Variants in EXOC2 observed in about 807,000 individuals in gnomAD.
EXOC2 encodes exocyst complex component 2, also known as SEC5-like 1.
A neutral mutation model predicts 131.8 loss-of-function variants in EXOC2; 70 were observed. The ratio of observed to expected loss-of-function variants is 0.53; its 90% confidence interval spans 0.44 to 0.65. The LOEUF (loss-of-function observed/expected upper bound fraction) is 0.65, where lower values mean the gene tolerates loss of function less well. EXOC2 is among the 30% of genes least tolerant of loss of function. The pLI is 0.00. For missense variants in EXOC2, 923 were observed against 1,108.6 expected (o/e 0.83, Z 2.38); for synonymous variants, 411 against 398.4 (o/e 1.03, Z -0.38).
At chr6:605,218 T>C (rs1052957240) in intron 7 of EXOC2, among the ~76,000 whole-genome samples, 31 of 152,234 alleles carry the variant, frequency 2.0e-4, no homozygotes, top group African/African-American at 5.1e-4. Context: ...TGCAGGGCTA[T>C]GACAGGGGCT....
At chr6:642,549 C>T (rs1418872224) in intron 1 of EXOC2, among the ~76,000 whole-genome samples, 4 of 151,844 alleles carry the variant, frequency 2.6e-5, no homozygotes, top group African/African-American at 7.3e-5. Context: ...AGCAGATAAC[C>T]GAAATGGACC....
At position 501,776 on chromosome 6, in the gene EXOC2, C is replaced by G. The variant is rs937229189; in HGVS notation, c.2381-2076G>C. ...AACAAAAACAGTGTGCTTATTAAGT[C>G]TATTTTGCTGAGATGGCTGAGTGAA... On this transcript the variant is annotated intron_variant, in intron 23 of 27. Transcript: ENST00000230449. 3.4e-5 allele frequency among the ~76,000 whole-genome samples: 5 copies of G among 147,174 alleles called. No individual in the cohort carries two copies. In the Admixed American group the frequency reaches 3.5e-4, roughly 10 times the overall value.
intron 22 of EXOC2, among the ~76,000 whole-genome samples, chr6:545,549 G>A (rs915173095): frequency 6.6e-6 from 1 of 152,090 alleles, no homozygotes; most frequent in African/African-American, 2.4e-5. Context: ...AGAAGAAAAA[G>A]CGCTAACCTC....
chr6:610,386 C>T (rs1489160807), intron 6 of EXOC2, among the ~76,000 whole-genome samples: 1 of 152,180 alleles, frequency 6.6e-6, no homozygotes, highest in Non-Finnish European at 1.5e-5. Flanking sequence ...GTACCTAACA[C>T]ACATAATCAT....
At chr6:675,410 G>A (rs972751704) in intron 1 of EXOC2, among the ~76,000 whole-genome samples, 2 of 152,172 alleles carry the variant, frequency 1.3e-5, no homozygotes, top group Non-Finnish European at 2.9e-5. Flanking sequence ...GATCAAGGAA[G>A]GTCAGTGATA....
chr6:686,107 A>G (rs556010927), intron 1 of EXOC2, among the ~76,000 whole-genome samples: 13 of 151,762 alleles, frequency 8.6e-5, no homozygotes, highest in Non-Finnish European at 1.8e-4. Flanking sequence ...GATTACAGGC[A>G]TGCGCCACCA....
chr6:614,060 CA>C (rs1185317602), intron 6 of EXOC2, among the ~76,000 whole-genome samples: 11 of 152,114 alleles, frequency 7.2e-5, no homozygotes, highest in Admixed American at 2.6e-4. Context: ...TGTTATTATG[CA>C]CCAAAGAATT....
At chr6:557,475 A>G (rs1757474952) in intron 17 of EXOC2, among the ~76,000 whole-genome samples, 1 of 151,872 alleles carries the variant, frequency 6.6e-6, no homozygotes, top group South Asian at 2.1e-4. Context: ...AAAATTAGCC[A>G]GGCGTGGTGG....
At chr6:646,794 C>T (rs1448482236) in intron 1 of EXOC2, among the ~76,000 whole-genome samples, 1 of 152,084 alleles carries the variant, frequency 6.6e-6, no homozygotes, top group East Asian at 1.9e-4. Flanking sequence ...TAAACGCAGA[C>T]AAAAGTGTGG....
At chr6:581,545 T>C (rs1758904637) in intron 11 of EXOC2, among the ~76,000 whole-genome samples, 1 of 152,220 alleles carries the variant, frequency 6.6e-6, no homozygotes, top group African/African-American at 2.4e-5. Context: ...ATCACCGTAG[T>C]ATTTCTAATT....
chr6:685,869 C>CTTTTTTTTTTTTTTTTTTTTTTTT (rs58892194), intron 1 of EXOC2, among the ~76,000 whole-genome samples: 13 of 98,238 alleles, frequency 1.3e-4, no homozygotes, highest in Non-Finnish European at 2.5e-4. Context: ...TCCTGGACCT[C>CTTTTTTTTTTTTTTTTTTTTTTTT]TTTTTTTTTT....
At chr6:526,988 T>G (rs1162361303) in intron 23 of EXOC2, among the ~76,000 whole-genome samples, 1 of 152,230 alleles carries the variant, frequency 6.6e-6, no homozygotes, top group African/African-American at 2.4e-5. Flanking sequence ...CCCTCTGCCT[T>G]GCACATGGTA....
chr6:600,712 A>T (rs1349273059), intron 7 of EXOC2, among the ~76,000 whole-genome samples: 1 of 152,104 alleles, frequency 6.6e-6, no homozygotes, highest in East Asian at 1.9e-4. Context: ...GAAAACAAGT[A>T]CAGGAAGAAA....
intron 10 of EXOC2, among the ~76,000 whole-genome samples, chr6:594,370 G>A (rs1011821995): frequency 6.6e-6 from 1 of 152,188 alleles, no homozygotes; most frequent in African/African-American, 2.4e-5. Context: ...TGCTGGGGAT[G>A]ATGCATTTCA....
chr6:621,736 G>A (rs1332888751), intron 4 of EXOC2, among the ~76,000 whole-genome samples: 2 of 152,142 alleles, frequency 1.3e-5, no homozygotes, highest in Non-Finnish European at 2.9e-5. Context: ...CATGCATGTG[G>A]CATTCATTAC....
intron 21 of EXOC2, among the ~76,000 whole-genome samples, chr6:551,132 G>A (rs906111454): frequency 6.6e-6 from 1 of 152,206 alleles, no homozygotes; most frequent in East Asian, 1.9e-4. Flanking sequence ...GGAGACGCAC[G>A]TTTGAAAACA....
chr6:578,345 T>A (rs1251499464), intron 11 of EXOC2, among the ~76,000 whole-genome samples: 2 of 152,152 alleles, frequency 1.3e-5, no homozygotes, highest in African/African-American at 2.4e-5. Flanking sequence ...GCCCGGGGGA[T>A]AAAGTGATGA....
chr6:655,079 G>C (rs1763010268), intron 1 of EXOC2, among the ~76,000 whole-genome samples: 1 of 152,188 alleles, frequency 6.6e-6, no homozygotes, highest in East Asian at 1.9e-4. Context: ...AAGTTCTACT[G>C]TGGATAAAAT....
At chr6:684,757 A>T (rs771458373) in intron 1 of EXOC2, among the ~76,000 whole-genome samples, 3 of 152,250 alleles carry the variant, frequency 2.0e-5, no homozygotes, top group African/African-American at 7.2e-5. Context: ...AGAACTTCAG[A>T]CTAAAAATAC....
Sources: allele counts gnomAD v4.1 joint callset (sites outside exome capture counted in the v4.1 genomes callset), GRCh38; gene constraint gnomAD v4.1.1; transcripts MANE v1.5; gene names NCBI Gene and HGNC (gene_info 2026-07-23, HGNC 2026-07-21).